The following DYNC1I1 variants were observed in gnomAD, a reference collection of about 807,000 sequenced individuals.
The protein encoded by DYNC1I1 is dynein cytoplasmic 1 intermediate chain 1.
In DYNC1I1, 43 loss-of-function variants were observed where a neutral mutation model predicts 86.6. The ratio of observed to expected loss-of-function variants is 0.50; its 90% CI spans 0.39 to 0.64. The LOEUF is 0.64. Ranked by LOEUF, DYNC1I1 falls within the 30% of genes least tolerant of loss-of-function variation. DYNC1I1 has a pLI of 0.00. For synonymous variants in DYNC1I1, 262 were observed against 283.7 expected, an observed-to-expected ratio of 0.92 and a Z score of 0.77; for missense variants, 604 against 788.8, an observed-to-expected ratio of 0.77 and a Z score of 2.81.
chr7:95,924,611 A>C (rs1258004061), intron 6 of DYNC1I1, among the ~76,000 whole-genome samples: 1 of 152,196 alleles, frequency 6.6e-6, no homozygotes, highest in Non-Finnish European at 1.5e-5. Flanking sequence ...AGAATGCGAA[A>C]TGTGGAAACA....
chr7:95,779,606 T>C (rs1048457472), intron 1 of DYNC1I1, among the ~76,000 whole-genome samples: 8 of 152,252 alleles, frequency 5.3e-5, no homozygotes, highest in African/African-American at 1.9e-4. Context: ...TTGAATTTAC[T>C]CATTGACGTT....
At chr7:95,909,511 G>A (rs750192966) in intron 6 of DYNC1I1, among the ~76,000 whole-genome samples, 38 of 152,182 alleles carry the variant, frequency 2.5e-4, no homozygotes, top group Non-Finnish European at 5.0e-4. Context: ...TGCTGTCCTG[G>A]AATGTGAAGG....
rs1562985747 is a variant in DYNC1I1, at chr7:96,050,049, A to AAC, written c.1509+10628_1509+10629insAC. ...AAAAAACAAACAAACAAAAAAAAAA[A>AAC]CAGTATAGCTCAAAAAGATAACCAG... On this transcript the variant is annotated intron_variant, in intron 14 of 16. Transcript: ENST00000447467. Among the ~76,000 whole-genome samples, 21 of 151,356 alleles carry AAC rather than the reference A, an allele frequency of 1.4e-4. 1 individual carries two copies. Among genetic ancestry groups the AAC allele is most frequent in the African/African-American group, 4.9e-4 (20 of 41,158 alleles).
At chr7:96,063,368 A>G (rs1789852128) in intron 14 of DYNC1I1, among the ~76,000 whole-genome samples, 1 of 152,118 alleles carries the variant, frequency 6.6e-6, no homozygotes, top group South Asian at 2.1e-4. Context: ...AGAGGAAAAA[A>G]AAAGTCTGCC....
intron 16 of DYNC1I1, among the ~76,000 whole-genome samples, chr7:96,092,254 A>T (rs979861888): frequency 1.3e-5 from 2 of 152,230 alleles, no homozygotes; most frequent in Admixed American, 6.5e-5. Context: ...AAGAAAATAA[A>T]AAAATTGGAA....
At chr7:95,973,369 G>A (rs747604690) in intron 6 of DYNC1I1, among the ~76,000 whole-genome samples, 6 of 152,108 alleles carry the variant, frequency 3.9e-5, no homozygotes, top group Admixed American at 6.6e-5. Flanking sequence ...TCTTTAAAAG[G>A]CTGATAGACA....
At chr7:96,051,631 A>C (rs1408582301) in intron 14 of DYNC1I1, among the ~76,000 whole-genome samples, 1 of 152,196 alleles carries the variant, frequency 6.6e-6, no homozygotes, top group East Asian at 1.9e-4. Context: ...CTGAGAATAA[A>C]ATTTTCTAAG....
intron 4 of DYNC1I1, among the ~76,000 whole-genome samples, chr7:95,824,833 A>T (rs1795169225): frequency 6.6e-6 from 1 of 152,198 alleles, no homozygotes; most frequent in African/African-American, 2.4e-5. Flanking sequence ...GCTGTCCTGC[A>T]CGGTTTACAC....
In DYNC1I1 at chr7:96,019,520, A is replaced by AT. The variant is rs1308008589; in HGVS notation, c.970-8649dup. The stretch of plus-strand genomic sequence containing the variant: ...ATAGGATGTGGCCTGAGCATTTGAG[A>AT]TTTTTTAAAGCAGCCCAACTGATGC... On this transcript the variant is annotated intron_variant, in intron 10 of 16. Coordinates refer to ENST00000447467, the MANE Select transcript of DYNC1I1 (RefSeq NM_001135556.2). Among the ~76,000 whole-genome samples the AT allele has an allele frequency of 3.9e-5, 6 of 152,194 alleles. No homozygotes were observed. The South Asian group carries it at 1.2e-3, about 32-fold the overall frequency.
At chr7:95,932,912 A>T (rs1322720383) in intron 6 of DYNC1I1, among the ~76,000 whole-genome samples, 1 of 137,550 alleles carries the variant, frequency 7.3e-6, no homozygotes, top group Non-Finnish European at 1.5e-5. Context: ...ACAATGTCTC[A>T]CTCTATTGCC....
intron 5 of DYNC1I1, among the ~76,000 whole-genome samples, chr7:95,865,245 G>A (rs755884507): frequency 6.6e-6 from 1 of 152,004 alleles, no homozygotes; most frequent in Non-Finnish European, 1.5e-5. Context: ...GTTTTCCCAC[G>A]GTTACTTAAA....
At chr7:96,078,502 T>C (rs1318052912) in intron 15 of DYNC1I1, among the ~76,000 whole-genome samples, 1 of 152,158 alleles carries the variant, frequency 6.6e-6, no homozygotes, top group African/African-American at 2.4e-5. Flanking sequence ...TTCTATCATT[T>C]GTAATATATA....
chr7:96,031,267 G>T (rs1584263849), intron 11 of DYNC1I1, among the ~76,000 whole-genome samples: 1 of 152,118 alleles, frequency 6.6e-6, no homozygotes, highest in African/African-American at 2.4e-5. Context: ...CACCAGGATA[G>T]GAAAGGTTTT....
At chr7:96,095,849 G>C (rs555605084) in intron 16 of DYNC1I1, among the ~76,000 whole-genome samples, 1 of 152,074 alleles carries the variant, frequency 6.6e-6, no homozygotes, top group Non-Finnish European at 1.5e-5. Flanking sequence ...ATGAAGAATC[G>C]TGGAATATAG....
At chr7:95,864,990 A>C (rs1789980696) in intron 5 of DYNC1I1, among the ~76,000 whole-genome samples, 1 of 152,092 alleles carries the variant, frequency 6.6e-6, no homozygotes, top group Non-Finnish European at 1.5e-5. Context: ...GAAAGGGGGA[A>C]GGTGGACAAG....
chr7:95,793,162 C>T (rs543688854), intron 1 of DYNC1I1, among the ~76,000 whole-genome samples: 1 of 152,064 alleles, frequency 6.6e-6, no homozygotes, highest in African/African-American at 2.4e-5. Context: ...GAGAGTATTG[C>T]AATTGTCAGA....
intron 6 of DYNC1I1, among the ~76,000 whole-genome samples, chr7:95,950,960 G>C (rs1792536128): frequency 6.6e-6 from 1 of 152,112 alleles, no homozygotes; most frequent in Non-Finnish European, 1.5e-5. Flanking sequence ...CTTACTCCCT[G>C]AGACTAGTCT....
chr7:95,955,443 G>A (rs868230550), intron 6 of DYNC1I1, among the ~76,000 whole-genome samples: 22 of 151,754 alleles, frequency 1.4e-4, no homozygotes, highest in African/African-American at 3.2e-4. Context: ...CCACCTCTCC[G>A]GAGTTAGCTG....
chr7:95,940,698 G>A (rs998483559), intron 6 of DYNC1I1, among the ~76,000 whole-genome samples: 9 of 152,014 alleles, frequency 5.9e-5, no homozygotes, highest in Admixed American at 2.6e-4. Flanking sequence ...TAATACATTC[G>A]TCTAAATCTT....
Sources: allele counts gnomAD v4.1 joint callset (sites outside exome capture counted in the v4.1 genomes callset), GRCh38; gene constraint gnomAD v4.1.1; transcripts MANE v1.5; gene names NCBI Gene and HGNC (gene_info 2026-07-23, HGNC 2026-07-21).